ENPP2: variants seen among roughly 807,000 people sequenced by gnomAD.
ENPP2 encodes ectonucleotide pyrophosphatase/phosphodiesterase 2.
ENPP2 carries 51 observed loss-of-function variants against 120.2 expected under a neutral mutation model. The ratio of observed to expected loss-of-function variants is 0.42; its 90% CI spans 0.34 to 0.54. The LOEUF (loss-of-function observed/expected upper bound fraction) is 0.54, where lower values mean the gene tolerates loss of function less well. Among genes scored for constraint, ENPP2 ranks in the 20% least tolerant of loss-of-function variants. The pLI is 0.04. For missense variants in ENPP2, 920 were observed against 1,066.5 expected, an observed-to-expected ratio of 0.86 and a Z score of 1.91; for synonymous variants, 365 against 366.4, an observed-to-expected ratio of 1.00 and a Z score of 0.04.
At chr8:119,623,918 G>C (rs1421539509) in intron 3 of ENPP2, among the ~76,000 whole-genome samples, 2 of 152,138 alleles carry the variant, frequency 1.3e-5, no homozygotes, top group Non-Finnish European at 2.9e-5. Flanking sequence ...GAGCCACTAT[G>C]CCCAGCCATT....
intron 1 of ENPP2, among the ~76,000 whole-genome samples, chr8:119,648,065 A>G (rs1486955421): frequency 2.0e-5 from 3 of 152,232 alleles, no homozygotes; most frequent in African/African-American, 7.2e-5. Flanking sequence ...TGTTTCAAGC[A>G]TGAGACCTTG....
chr8:119,668,300 T>C (rs769234587), intron 1 of ENPP2, among the ~76,000 whole-genome samples: 5 of 152,164 alleles, frequency 3.3e-5, no homozygotes, highest in Non-Finnish European at 7.3e-5. Context: ...CAGTTGCTAA[T>C]AAATTAATGT....
chr8:119,619,156 A>G (rs1048811821), intron 5 of ENPP2, 88 bp downstream of exon 5: 45 of 991,792 alleles, frequency 4.5e-5, no homozygotes, highest in Non-Finnish European at 7.2e-5. Flanking sequence ...TCAGTTCCAC[A>G]TTGTTTCTAA....
chr8:119,587,253 T>C (rs1050503106), intron 13 of ENPP2, among the ~76,000 whole-genome samples, 178 bp from the exon 14 acceptor site: 2 of 152,218 alleles, frequency 1.3e-5, no homozygotes, highest in African/African-American at 2.4e-5. Context: ...GTCATTGACA[T>C]GCAGCTAAGC....
chr8:119,582,678 C>T (rs893220799), intron 17 of ENPP2, 76 bp from the exon 18 acceptor site: 9 of 1,059,772 alleles, frequency 8.5e-6, no homozygotes, highest in Non-Finnish European at 1.0e-5. Flanking sequence ...TAAAACCCTT[C>T]ACCTTCTATG....
chr8:119,611,453 G>A (rs1175892639), intron 8 of ENPP2, among the ~76,000 whole-genome samples: 1 of 152,172 alleles, frequency 6.6e-6, no homozygotes, highest in Admixed American at 6.5e-5. Flanking sequence ...GCCCAATGCA[G>A]CTGGTTTCCA....
intron 19 of ENPP2, among the ~76,000 whole-genome samples, chr8:119,576,082 T>TAA (rs1812315983): frequency 6.6e-6 from 1 of 152,228 alleles, no homozygotes; most frequent in Non-Finnish European, 1.5e-5. Flanking sequence ...GTTCCCTCTG[T>TAA]AGCCATATTC....
Position 119,653,146 on chromosome 8 carries a change from T to G in ENPP2, c.22-14619A>C, listed in dbSNP as rs1257120762. ...GTGTTCACCTCTGGATAGCTCGTTTTAAGAGGTCACTACAAAACTGGACAG... is the reference window on the plus strand; with the variant it reads ...GTGTTCACCTCTGGATAGCTCGTTTGAAGAGGTCACTACAAAACTGGACAG... On this transcript the variant is annotated intron_variant, in intron 1 of 25. Coordinates refer to the ENPP2 transcript ENST00000427067. Among the ~76,000 whole-genome samples the G allele has an allele frequency of 3.3e-5, 5 of 152,300 alleles. No homozygotes were observed. The East Asian group carries it at 9.7e-4, about 29-fold the overall frequency.
At chr8:119,657,483 G>A (rs1365584064) in intron 1 of ENPP2, among the ~76,000 whole-genome samples, 3 of 152,172 alleles carry the variant, frequency 2.0e-5, no homozygotes, top group African/African-American at 7.2e-5. Flanking sequence ...CTTAGAAAGT[G>A]TTGAACTTTG....
At chr8:119,569,504 A>G in intron 20 of ENPP2, 134 bp from the exon 21 acceptor site, 1 of 757,178 alleles carries the variant, frequency 1.3e-6, no homozygotes, top group South Asian at 2.6e-5. Context: ...TTTATCTTTG[A>G]TAGTCTGACT....
At chr8:119,626,507 T>C (rs1450738215) in intron 3 of ENPP2, 58 bp downstream of exon 3, 30 of 1,460,520 alleles carry the variant, frequency 2.1e-5, no homozygotes, top group African/African-American at 4.2e-5. Flanking sequence ...ATGCATACAA[T>C]AGCAGGCAGT....
In ENPP2 at chr8:119,590,544, G is replaced by T. The variant is rs769827825; in HGVS notation, c.1168C>A (p.Leu390Ile). ...VDDITLVPGT[L>I]GRIRSKFSNN... ...CTAAATTTGGATCGAATTCTTCCTA[G>T]AGTTCCAGGCACTAAAGTAATATCA... Residue 390 changes from leucine (L) to isoleucine (I), a missense_variant, in exon 13 of 25, where the codon CTA (leucine) becomes ATA (isoleucine). By Grantham distance (5) the Leu-to-Ile change is conservative. Coordinates refer to ENST00000075322, the MANE Select transcript of ENPP2 (RefSeq NM_001040092.3). 1 of 1,597,838 alleles carries T rather than the reference G, an allele frequency of 6.3e-7. No individual in the cohort carries two copies. The highest frequency in any genetic ancestry group is 8.5e-7 in the Non-Finnish European group (1 of 1,173,082).
intron 1 of ENPP2, among the ~76,000 whole-genome samples, chr8:119,645,285 AC>A (rs1386492493): frequency 3.9e-5 from 6 of 152,144 alleles, no homozygotes; most frequent in Non-Finnish European, 5.9e-5. Flanking sequence ...AAACGCAGCT[AC>A]CTACACAACA....
chr8:119,639,836 A>C (rs1292291865), upstream of ENPP2, among the ~76,000 whole-genome samples: 1 of 152,230 alleles, frequency 6.6e-6, no homozygotes, highest in African/African-American at 2.4e-5. Context: ...GGCAACCAGC[A>C]CACTTTCAAA....
At chr8:119,664,135 T>C (rs1012797490) in intron 1 of ENPP2, among the ~76,000 whole-genome samples, 5 of 152,172 alleles carry the variant, frequency 3.3e-5, no homozygotes, top group Non-Finnish European at 7.3e-5. Context: ...GCTTATAAAA[T>C]CATTCTTATG....
At position 119,601,386 on chromosome 8, in the gene ENPP2, G is replaced by A. The variant is rs1486040393; in HGVS notation, c.899+11C>T. The A allele has an allele frequency of 1.9e-6, 3 of 1,562,040 alleles. No individual in the cohort carries two copies. Among genetic ancestry groups the A allele is most frequent in the Non-Finnish European group, 2.6e-6 (3 of 1,132,736 alleles). ...ATGTACTGAAGAAAGAAGAAAGAGA[G>A]AAATAAATACCTCTCATGATCTGGC... On this transcript the variant is annotated intron_variant, in intron 10 of 24. Transcript: ENST00000075322.
At chr8:119,598,920 T>A (rs932423254) in intron 11 of ENPP2, among the ~76,000 whole-genome samples, 1 of 152,156 alleles carries the variant, frequency 6.6e-6, no homozygotes, top group Non-Finnish European at 1.5e-5. Context: ...TACCAATCCG[T>A]TTTGCCTACC....
At chr8:119,655,259 C>T (rs1019732725) in intron 1 of ENPP2, among the ~76,000 whole-genome samples, 1 of 152,214 alleles carries the variant, frequency 6.6e-6, no homozygotes, top group Admixed American at 6.5e-5. Flanking sequence ...CTCTCTGACA[C>T]GTCTGTGTCT....
chr8:119,575,287 C>A (rs189773371), intron 19 of ENPP2, among the ~76,000 whole-genome samples: 4 of 152,116 alleles, frequency 2.6e-5, no homozygotes, highest in Non-Finnish European at 5.9e-5. Context: ...TTTGGGTGGT[C>A]TCCAGTTGGG....
Sources: allele counts gnomAD v4.1 joint callset (sites outside exome capture counted in the v4.1 genomes callset), GRCh38; gene constraint gnomAD v4.1.1; transcripts MANE v1.5; gene names NCBI Gene and HGNC (gene_info 2026-07-23, HGNC 2026-07-21).